Variants in TAF3 observed in about 807,000 individuals in gnomAD.
The protein encoded by TAF3 is transcription initiation factor TFIID subunit 3.
In TAF3, 7 loss-of-function variants were observed where a neutral mutation model predicts 80.6. The observed-to-expected ratio is 0.09, with a 90% confidence interval of 0.05 to 0.16. The LOEUF is 0.16. TAF3 is among the 10% of genes least tolerant of loss of function. TAF3 has a pLI of 1.00. For synonymous variants in TAF3, 444 were observed against 446.1 expected, an observed-to-expected ratio of 1.00 and a Z score of 0.06; for missense variants, 921 against 1,140.2, an observed-to-expected ratio of 0.81 and a Z score of 2.77.
intron 2 of TAF3, among the ~76,000 whole-genome samples, chr10:7,874,867 T>C (rs1837300022): frequency 6.6e-6 from 1 of 152,082 alleles, no homozygotes; most frequent in South Asian, 2.1e-4. Context: ...ACTAAAGAAA[T>C]TATGTATTGA....
At chr10:7,860,040 G>T (rs1242290256) in intron 2 of TAF3, among the ~76,000 whole-genome samples, 1 of 152,172 alleles carries the variant, frequency 6.6e-6, no homozygotes, top group African/African-American at 2.4e-5. Flanking sequence ...GGAGGCCAAG[G>T]TGGGCAGATT....
chr10:7,884,402 T>G (rs200160855), intron 2 of TAF3, among the ~76,000 whole-genome samples: 5,391 of 150,208 alleles, frequency 0.036, 159 homozygotes, highest in East Asian at 0.084. Context: ...CTTTTTTTTT[T>G]TGAGATGGAG....
chr10:7,910,713 G>T (rs1176083015), intron 2 of TAF3, among the ~76,000 whole-genome samples: 1 of 151,996 alleles, frequency 6.6e-6, no homozygotes, highest in African/African-American at 2.4e-5. Context: ...TTGAATTCTG[G>T]GTATAAAGCT....
intron 2 of TAF3, among the ~76,000 whole-genome samples, chr10:7,915,303 G>T (rs1837699527): frequency 6.6e-6 from 1 of 151,838 alleles, no homozygotes; most frequent in Non-Finnish European, 1.5e-5. Flanking sequence ...TGTGCTGCCG[G>T]AGGGGCGAAG....
At chr10:7,842,151 GTTT>G (rs71505465) in intron 2 of TAF3, among the ~76,000 whole-genome samples, 3 of 98,798 alleles carry the variant, frequency 3.0e-5, no homozygotes, top group South Asian at 6.8e-4. Context: ...AATTAATATT[GTTT>G]TTTTTTTTTG....
intron 2 of TAF3, among the ~76,000 whole-genome samples, chr10:7,848,908 G>A (rs1043085119): frequency 3.9e-5 from 6 of 152,136 alleles, no homozygotes; most frequent in Admixed American, 6.6e-5. Flanking sequence ...AGTACAGCCT[G>A]TTAGTAAACA....
chr10:7,991,410 T>C (rs1831832384), intron 4 of TAF3, among the ~76,000 whole-genome samples: 1 of 152,226 alleles, frequency 6.6e-6, no homozygotes, highest in Admixed American at 6.5e-5. Context: ...AAAAACACAT[T>C]ATTTTATTTC....
At chr10:7,960,470 CTAG>C (rs1483774854) in intron 2 of TAF3, among the ~76,000 whole-genome samples, 2 of 152,148 alleles carry the variant, frequency 1.3e-5, no homozygotes, top group Admixed American at 1.3e-4. Context: ...GTGGTTATTT[CTAG>C]TTGCTAAGAG....
At chr10:7,971,974 G>T (rs1025237347) in intron 3 of TAF3, among the ~76,000 whole-genome samples, 6 of 152,152 alleles carry the variant, frequency 3.9e-5, no homozygotes, top group African/African-American at 1.4e-4. Flanking sequence ...GTCTTATATT[G>T]CTGGACTTTA....
At chr10:7,991,114 G>A (rs937174317) in intron 4 of TAF3, among the ~76,000 whole-genome samples, 6 of 151,864 alleles carry the variant, frequency 4.0e-5, no homozygotes, top group Non-Finnish European at 7.4e-5. Flanking sequence ...AATTTCAGTC[G>A]TCTCGTCTTG....
intron 4 of TAF3, among the ~76,000 whole-genome samples, chr10:8,004,384 T>C (rs1564381738): frequency 6.6e-6 from 1 of 152,156 alleles, no homozygotes. Context: ...TTGACAGATA[T>C]AGTGCACATT....
chr10:7,861,404 C>A (rs776987866), intron 2 of TAF3, among the ~76,000 whole-genome samples: 1 of 152,192 alleles, frequency 6.6e-6, no homozygotes, highest in Non-Finnish European at 1.5e-5. Flanking sequence ...CCGCACCCAG[C>A]CAACAGGAGC....
intron 4 of TAF3, among the ~76,000 whole-genome samples, chr10:8,008,751 G>A (rs1832021041): frequency 6.6e-6 from 1 of 152,196 alleles, no homozygotes; most frequent in South Asian, 2.1e-4. Context: ...GGGGTGGGGA[G>A]CGCCACCTCT....
intron 2 of TAF3, among the ~76,000 whole-genome samples, chr10:7,948,065 A>ATT (rs148895542): frequency 3.5e-4 from 50 of 143,198 alleles, no homozygotes; most frequent in South Asian, 4.4e-4. Context: ...TATGACTCTG[A>ATT]TTTTTTTTTT....
intron 2 of TAF3, among the ~76,000 whole-genome samples, chr10:7,917,558 T>C (rs1213051130): frequency 6.6e-6 from 1 of 152,228 alleles, no homozygotes; most frequent in East Asian, 1.9e-4. Context: ...TTTTCTAATC[T>C]AAAAGGAGTT....
intron 2 of TAF3, among the ~76,000 whole-genome samples, chr10:7,842,888 C>T (rs1379474315): frequency 6.6e-6 from 1 of 152,204 alleles, no homozygotes; most frequent in Non-Finnish European, 1.5e-5. Flanking sequence ...AATCTCAGCA[C>T]TGAATGTAAT....
intron 2 of TAF3, among the ~76,000 whole-genome samples, chr10:7,829,276 C>T (rs1403072209): frequency 2.0e-5 from 3 of 152,100 alleles, no homozygotes; most frequent in Non-Finnish European, 4.4e-5. Context: ...TAACCTTTTA[C>T]GTGACTATGG....
intron 1 of TAF3, 149 bp from the exon 2 acceptor site, chr10:7,824,169 C>A: frequency 1.1e-6 from 1 of 921,606 alleles, no homozygotes; most frequent in Non-Finnish European, 1.6e-6. Flanking sequence ...TTCTGTGATA[C>A]TCTTTAAAAT....
intron 2 of TAF3, among the ~76,000 whole-genome samples, chr10:7,837,670 C>T (rs561674878): frequency 2.6e-5 from 4 of 151,916 alleles, no homozygotes; most frequent in African/African-American, 9.7e-5. Context: ...AAACAATTAG[C>T]CAAGAGTGGT....
Sources: gnomAD v4.1 joint callset for allele counts (sites outside exome capture counted in the v4.1 genomes callset) on GRCh38, gnomAD v4.1.1 for gene constraint, MANE v1.5 for transcripts, NCBI Gene and HGNC (gene_info 2026-07-23, HGNC 2026-07-21) for gene names.